IGSF21: variants seen among roughly 807,000 people sequenced by gnomAD.
IGSF21 encodes immunoglobin superfamily member 21.
A neutral mutation model predicts 46.8 loss-of-function variants in IGSF21; 28 were observed. The ratio of observed to expected loss-of-function variants is 0.60; its 90% CI spans 0.44 to 0.82. IGSF21 has a LOEUF of 0.82. Among genes scored for constraint, IGSF21 ranks in the 40% least tolerant of loss-of-function variants. The pLI, the probability that IGSF21 is intolerant of heterozygous loss-of-function variation, is 0.00. For missense variants in IGSF21, 624 were observed against 665.5 expected, an observed-to-expected ratio of 0.94 and a Z score of 0.69; for synonymous variants, 284 against 273.6, an observed-to-expected ratio of 1.04 and a Z score of -0.38.
chr1:18,141,212 G>A (rs1020898535), intron 1 of IGSF21, among the ~76,000 whole-genome samples: 2 of 152,184 alleles, frequency 1.3e-5, no homozygotes, highest in Non-Finnish European at 2.9e-5. Context: ...CATCTAGTCG[G>A]GAGGAAGACA....
At chr1:18,282,316 T>C (rs1016360351) in intron 2 of IGSF21, among the ~76,000 whole-genome samples, 2 of 152,108 alleles carry the variant, frequency 1.3e-5, no homozygotes, top group Non-Finnish European at 2.9e-5. Flanking sequence ...ACTGACATTT[T>C]CAAACCCCAC....
chr1:18,333,595 C>A (rs777767999), intron 3 of IGSF21, among the ~76,000 whole-genome samples: 8 of 152,204 alleles, frequency 5.3e-5, no homozygotes, highest in Non-Finnish European at 1.0e-4. Context: ...GATGGACTGA[C>A]TTAGCCAAGG....
chr1:18,138,869 C>CT (rs2086389801), intron 1 of IGSF21, among the ~76,000 whole-genome samples: 1 of 152,208 alleles, frequency 6.6e-6, no homozygotes, highest in Admixed American at 6.5e-5. Flanking sequence ...TTATTGTCCT[C>CT]TTTTTACAGA....
At chr1:18,372,848 GGATGGATGGATGGATGGGTGGA>G in intron 6 of IGSF21, among the ~76,000 whole-genome samples, 1 of 92,232 alleles carries the variant, frequency 1.1e-5, no homozygotes, top group Non-Finnish European at 2.0e-5. Context: ...ATGGATGGAT[GGATGGATGGATGGATGGGTGGA>G]TGGATGGATG....
intron 3 of IGSF21, among the ~76,000 whole-genome samples, chr1:18,306,258 G>A (rs1263178374): frequency 1.3e-5 from 2 of 151,968 alleles, no homozygotes; most frequent in South Asian, 2.1e-4. Flanking sequence ...TGGCCTTCTC[G>A]CCAAGCTTGT....
At chr1:18,253,675 G>A (rs1477613041) in intron 2 of IGSF21, among the ~76,000 whole-genome samples, 1 of 152,206 alleles carries the variant, frequency 6.6e-6, no homozygotes, top group Non-Finnish European at 1.5e-5. Flanking sequence ...GAGAAGGGAT[G>A]GGGGGAGGTA....
chr1:18,212,207 C>A (rs969975600), intron 1 of IGSF21, among the ~76,000 whole-genome samples: 1 of 152,240 alleles, frequency 6.6e-6, no homozygotes, highest in African/African-American at 2.4e-5. Flanking sequence ...TCTCCCCTTG[C>A]CAGCCTTAAG....
intron 1 of IGSF21, among the ~76,000 whole-genome samples, chr1:18,117,460 T>G (rs2086198028): frequency 6.6e-6 from 1 of 152,230 alleles, no homozygotes; most frequent in Non-Finnish European, 1.5e-5. Flanking sequence ...CCACCACTTG[T>G]CCAATTTGTG....
At chr1:18,113,656 C>G (rs1310318629) in intron 1 of IGSF21, 1 of 109,480 alleles carries the variant, frequency 9.1e-6, no homozygotes, top group African/African-American at 3.6e-5. Flanking sequence ...GTGGGTGAAA[C>G]TACTGGGTAA....
At chr1:18,312,386 A>G (rs1006223048) in intron 3 of IGSF21, among the ~76,000 whole-genome samples, 1 of 152,178 alleles carries the variant, frequency 6.6e-6, no homozygotes, top group Non-Finnish European at 1.5e-5. Flanking sequence ...TTAGCTTTTT[A>G]TTGCTTCTGT....
intron 2 of IGSF21, among the ~76,000 whole-genome samples, chr1:18,282,915 G>C (rs1234668219): frequency 2.6e-5 from 4 of 152,150 alleles, no homozygotes; most frequent in Non-Finnish European, 5.9e-5. Flanking sequence ...AGCCTCGTAG[G>C]CAGCCTGGAA....
intron 3 of IGSF21, among the ~76,000 whole-genome samples, chr1:18,319,511 G>A (rs1038159105): frequency 7.9e-5 from 12 of 152,348 alleles, no homozygotes; most frequent in Middle Eastern, 3.4e-3. Flanking sequence ...CTGTAAGCCC[G>A]TGAAGATGAA....
rs528932662 is a variant in IGSF21, at chr1:18,267,232, G to A, written c.184-24634G>A. Among the ~76,000 whole-genome samples the A allele has an allele frequency of 5.3e-5, 8 of 152,304 alleles. No individual in the cohort carries two copies. The East Asian group carries it at 1.5e-3, about 29-fold the overall frequency. ...TGTACACTGAGGACCAGCTGATTTG[G>A]GGAGATACGGGAAGAACTTATTCAG... On this transcript the variant is annotated intron_variant, in intron 2 of 9. Coordinates refer to ENST00000251296, the MANE Select transcript of IGSF21 (RefSeq NM_032880.5).
chr1:18,312,472 A>C (rs2085499025), intron 3 of IGSF21, among the ~76,000 whole-genome samples: 1 of 152,230 alleles, frequency 6.6e-6, no homozygotes, highest in African/African-American at 2.4e-5. Context: ...CACAACTTCG[A>C]GATGAGTCTC....
chr1:18,139,942 T>A (rs78695813), intron 1 of IGSF21, among the ~76,000 whole-genome samples: 62 of 147,422 alleles, frequency 4.2e-4, no homozygotes, highest in African/African-American at 1.2e-3. Context: ...TCCTTTTTTT[T>A]AAAAAAAATA....
intron 3 of IGSF21, among the ~76,000 whole-genome samples, chr1:18,294,840 T>C (rs2085297425): frequency 6.6e-6 from 1 of 152,334 alleles, no homozygotes; most frequent in East Asian, 1.9e-4. Context: ...CAACCAGCCA[T>C]GCTGGGGGCG....
At chr1:18,151,135 T>G (rs1369361495) in intron 1 of IGSF21, among the ~76,000 whole-genome samples, 1 of 152,194 alleles carries the variant, frequency 6.6e-6, no homozygotes, top group Non-Finnish European at 1.5e-5. Context: ...GAGGGACCTT[T>G]CATCACTTCA....
rs138772766 is a variant in IGSF21 at position 18,259,206 on chromosome 1, G to A, written c.183+31196G>A. 3.2e-4 allele frequency among the ~76,000 whole-genome samples: 48 copies of A among 152,264 alleles called. 1 individual carries two copies. Among genetic ancestry groups the A allele is most frequent in the African/African-American group, 1.1e-3 (47 of 41,562 alleles). ...GAGAGAAATCTCAGTGGAACTTTGGGGCCAGGCCAGCTTGGGTTTGCATCT... is the reference window on the plus strand; with the variant it reads ...GAGAGAAATCTCAGTGGAACTTTGGAGCCAGGCCAGCTTGGGTTTGCATCT... On this transcript the variant is annotated intron_variant, in intron 2 of 9. Coordinates refer to ENST00000251296, the MANE Select transcript of IGSF21 (RefSeq NM_032880.5).
chr1:18,356,347 C>A (rs2086018065), intron 4 of IGSF21, among the ~76,000 whole-genome samples: 3 of 152,098 alleles, frequency 2.0e-5, no homozygotes, highest in Admixed American at 6.5e-5. Flanking sequence ...GCCTCAAAGT[C>A]CACAAAAATG....
Sources: gnomAD v4.1 joint callset for allele counts (sites outside exome capture counted in the v4.1 genomes callset) on GRCh38, gnomAD v4.1.1 for gene constraint, MANE v1.5 for transcripts, NCBI Gene and HGNC (gene_info 2026-07-23, HGNC 2026-07-21) for gene names.